Variants in CEP170B observed in about 807,000 individuals in gnomAD.
CEP170B encodes centrosomal protein 170B.
In CEP170B, 55 loss-of-function variants were observed where a neutral mutation model predicts 120.6. The ratio of observed to expected loss-of-function variants is 0.46; its 90% confidence interval spans 0.37 to 0.57. The LOEUF is 0.57. CEP170B is among the 20% of genes least tolerant of loss of function. CEP170B has a pLI of 0.00. For synonymous variants in CEP170B, 1,033 were observed against 954.5 expected (o/e 1.08, Z -1.52); for missense variants, 2,212 against 2,253.3 (o/e 0.98, Z 0.37).
intron 6 of CEP170B, among the ~76,000 whole-genome samples, chr14:104,881,725 G>A (rs1030178414): frequency 3.3e-5 from 5 of 152,164 alleles, no homozygotes; most frequent in Admixed American, 1.3e-4. Flanking sequence ...GTTCAGGGCC[G>A]GCAGCAGATG....
In CEP170B at chr14:104,891,023, GTGGATGGATGGA is replaced by G. The variant is rs796943744; in HGVS notation, c.3878+1280_3878+1291del. ...TGTGGATGGATGGATGAGTGGGTGG[GTGGATGGATGGA>G]TGGATGGATGGATGAGTGGGTGGGT... On this transcript the variant is annotated intron_variant, in intron 13 of 18. Coordinates refer to ENST00000414716, the MANE Select transcript of CEP170B (RefSeq NM_001112726.3). This position sits in a 1 kb window ranked among gnomAD's most constrained non-coding sequence, Gnocchi z 4.3. Among the ~76,000 whole-genome samples, 4 of 118,306 alleles carry G rather than the reference GTGGATGGATGGA, an allele frequency of 3.4e-5. No individual in the cohort carries two copies. The East Asian group carries it at 7.4e-4, about 22-fold the overall frequency. 77.6% of individuals were successfully genotyped at this position (118,306 alleles called of 152,430 possible).
chr14:104,871,253 T>C (rs963759038), intron 2 of CEP170B, among the ~76,000 whole-genome samples: 2 of 152,190 alleles, frequency 1.3e-5, no homozygotes, highest in African/African-American at 4.8e-5. Context: ...AGCCTCCTAC[T>C]GGATATGGCT....
At chr14:104,873,809 C>T (rs866194605) in intron 2 of CEP170B, among the ~76,000 whole-genome samples, 1 of 152,152 alleles carries the variant, frequency 6.6e-6, no homozygotes, top group Non-Finnish European at 1.5e-5. Flanking sequence ...CCTGCTGGAC[C>T]CCATCCCCTG....
intron 2 of CEP170B, among the ~76,000 whole-genome samples, chr14:104,872,474 T>TTGTGC (rs1177545588): frequency 9.6e-6 from 1 of 104,550 alleles, no homozygotes; most frequent in Admixed American, 1.0e-4. Context: ...GTGTGCCGTG[T>TTGTGC]GTGTGCGTGT....
In CEP170B at chr14:104,887,613, G is replaced by A. The variant is rs759020353; in HGVS notation, c.3374G>A (p.Arg1125Gln). The change falls in exon 12 of 19, where the codon CGG (arginine) becomes CAG (glutamine). Residue 1125 changes from arginine to glutamine, a missense_variant. By Grantham distance (43) the Arg-to-Gln change is conservative. Around this residue, in one of 2 missense-constraint regions of CEP170B, gnomAD observed 2,166 missense variants for 2,166.7 expected, o/e 1.00. Coordinates refer to ENST00000414716, the MANE Select transcript of CEP170B (RefSeq NM_001112726.3). ...ACCCCTCGCCCCACACGGGCCTCCCGGCTGAGGCGGGCCCGGCTGGGGGAC... is the reference window on the plus strand; with the variant it reads ...ACCCCTCGCCCCACACGGGCCTCCCAGCTGAGGCGGGCCCGGCTGGGGGAC... ...LSTPRPTRASRLRRARLGDAS... is the reference protein window; with the variant it reads ...LSTPRPTRASQLRRARLGDAS... 25 of 1,573,902 alleles carry A rather than the reference G, an allele frequency of 1.6e-5. No individual in the cohort carries two copies. The highest frequency in any genetic ancestry group is 1.8e-5 in the Non-Finnish European group (21 of 1,161,692).
In CEP170B at chr14:104,881,910, A is replaced by G. The variant is rs147459934; in HGVS notation, c.473-818A>G. 5.1e-4 allele frequency among the ~76,000 whole-genome samples: 78 copies of G among 152,154 alleles called. 1 individual carries two copies. The East Asian group carries it at 7.2e-3, about 14-fold the overall frequency. On this transcript the variant is annotated intron_variant, in intron 6 of 18. Transcript: ENST00000414716. ...TAACTGGCCCCAGCGCAGTGTGCAC[A>G]TGGTTCCTGACGGGTGACTGGCCCC...
rs1896568634 is a variant in CEP170B at position 104,887,169 on chromosome 14, A to G, written c.2930A>G (p.Gln977Arg). The stretch of plus-strand genomic sequence containing the variant: ...AGCGGGCCCAGCCCCACAACCCCCC[A>G]GCCTCTGCGGGCACAGAAGGAGATG... The part of the protein sequence containing the change: ...GKSGPSPTTP[Q>R]PLRAQKEMSP... Residue 977 changes from glutamine (Q) to arginine (R), a missense_variant, in exon 12 of 19, where the codon CAG (glutamine) becomes CGG (arginine). Gln to Arg is a conservative substitution (Grantham distance 43). Around this residue, in one of 2 missense-constraint regions of CEP170B, gnomAD observed 2,166 missense variants for 2,166.7 expected, o/e 1.00. Coordinates refer to ENST00000414716, the MANE Select transcript of CEP170B (RefSeq NM_001112726.3). 6.2e-7 allele frequency: 1 copy of G among 1,608,012 alleles called. No individual in the cohort carries two copies.
At chr14:104,879,678 A>G (rs1275484112) in intron 5 of CEP170B, among the ~76,000 whole-genome samples, 1 of 152,128 alleles carries the variant, frequency 6.6e-6, no homozygotes, top group Non-Finnish European at 1.5e-5. Context: ...AGGGTGCTGG[A>G]GGCCGACGGT....
intron 13 of CEP170B, among the ~76,000 whole-genome samples, chr14:104,890,728 G>A (rs1326843555): frequency 1.9e-4 from 25 of 133,062 alleles, no homozygotes; most frequent in Non-Finnish European, 2.7e-4. Flanking sequence ...GTGGTGGGTG[G>A]ATGGATGGAT....
At chr14:104,869,888 C>T (rs1338636230) in intron 2 of CEP170B, among the ~76,000 whole-genome samples, 1 of 152,204 alleles carries the variant, frequency 6.6e-6, no homozygotes, top group African/African-American at 2.4e-5. Flanking sequence ...AATTTTGTTA[C>T]AGCAGCTGGG....
Position 104,886,708 on chromosome 14 carries a change from G to T in CEP170B, c.2469G>T (p.Gly823=), listed in dbSNP as rs751904524. ...LAAPGDGEGL[G]QTAQPSPPAR... ...CTCCAGGGGATGGGGAGGGCCTAGGGCAGACAGCCCAGCCCAGCCCCCCAG... is the reference window on the plus strand; with the variant it reads ...CTCCAGGGGATGGGGAGGGCCTAGGTCAGACAGCCCAGCCCAGCCCCCCAG... The change falls in exon 12 of 19, where the codon GGG becomes GGT. Residue 823 remains glycine (G), a synonymous_variant. Transcript: ENST00000414716. 3.8e-6 allele frequency: 6 copies of T among 1,592,246 alleles called. No individual in the cohort carries two copies.
At chr14:104,877,182 G>A (rs754510530) in intron 3 of CEP170B, among the ~76,000 whole-genome samples, 11 of 152,298 alleles carry the variant, frequency 7.2e-5, no homozygotes, top group East Asian at 1.9e-4. Context: ...CCCTCCTCCC[G>A]CAGCATGCCT....
chr14:104,895,130 C>A lies in CEP170B; in HGVS notation c.*172C>A. The A allele has an allele frequency of 1.5e-6, 1 of 689,338 alleles. No individual in the cohort carries two copies. Among genetic ancestry groups the A allele is most frequent in the Non-Finnish European group, 2.3e-6 (1 of 428,044 alleles). The allele number at this position is 689,338 out of a possible 1,614,324, so 42.7% of individuals were successfully genotyped here. ...TGCCCCCTCGTCAGCTCCCAGCCAGCACCCTACTCACCCTGTCCAGCCCCA... is the reference window on the plus strand; with the variant it reads ...TGCCCCCTCGTCAGCTCCCAGCCAGAACCCTACTCACCCTGTCCAGCCCCA... On this transcript the variant is annotated 3_prime_UTR_variant, in exon 19 of 19. Transcript: ENST00000414716.
chr14:104,879,213 CTG>C (rs1027368048), intron 5 of CEP170B, among the ~76,000 whole-genome samples: 7 of 152,086 alleles, frequency 4.6e-5, no homozygotes, highest in African/African-American at 1.4e-4. Context: ...TTTGGTCTCT[CTG>C]TGAGTGAGAT....
chr14:104,887,647 C>G lies in CEP170B; in HGVS notation c.3408C>G (p.Asp1136Glu). 1 of 1,562,856 alleles carries G rather than the reference C, an allele frequency of 6.4e-7. No individual in the cohort carries two copies. The highest frequency in any genetic ancestry group is 8.6e-7 in the Non-Finnish European group (1 of 1,156,496). The change falls in exon 12 of 19, where the codon GAC (aspartate) becomes GAG (glutamate). Residue 1136 changes from aspartate (D) to glutamate (E), a missense_variant. Coordinates refer to ENST00000414716, the MANE Select transcript of CEP170B (RefSeq NM_001112726.3). The stretch of plus-strand genomic sequence containing the variant: ...GGGCCCGGCTGGGGGACGCTTCAGA[C>G]ACTGAGGCTGCGGATGGTGAGCGGG... ...LRRARLGDAS[D>E]TEAADGERGS...
rs1300616589 is a variant in CEP170B, at chr14:104,891,302, A to G, written c.3878+1544A>G. On this transcript the variant is annotated intron_variant, in intron 13 of 18. Transcript: ENST00000414716. The surrounding 1 kb of genome is among the most constrained non-coding windows in gnomAD (Gnocchi z 4.3). ...TTTGCCAAGCAGTGGTCAGTACTGC[A>G]AAGGCAGTCCCTGAAAGGCTGTGGG... Among the ~76,000 whole-genome samples, 1 of 152,082 alleles carries G rather than the reference A, an allele frequency of 6.6e-6. No individual in the cohort carries two copies. The highest frequency in any genetic ancestry group is 1.5e-5 in the Non-Finnish European group (1 of 68,002).
chr14:104,873,968 G>T (rs1217222206), intron 2 of CEP170B, among the ~76,000 whole-genome samples: 1 of 152,174 alleles, frequency 6.6e-6, no homozygotes, highest in African/African-American at 2.4e-5. Context: ...CACAGGACAG[G>T]GTGCGGGAGT....
chr14:104,883,822 C>T lies in CEP170B; in HGVS notation c.1052-9C>T. 6.5e-7 allele frequency: 1 copy of T among 1,530,142 alleles called. No individual in the cohort carries two copies. The highest frequency in any genetic ancestry group is 1.2e-5 in the South Asian group (1 of 81,166). 94.8% of individuals were successfully genotyped at this position (1,530,142 alleles called of 1,614,324 possible). On this transcript the variant is annotated splice_polypyrimidine_tract_variant and intron_variant, in intron 8 of 18. Transcript: ENST00000414716. ...GGCCTGACAAGGTGGGGTCCCCTGT[C>T]TCCCCCAGGCCACAAGCACGAGGAC... is the stretch of plus-strand genomic sequence containing the variant.
At chr14:104,890,593 A>G (rs371886401) in intron 13 of CEP170B, among the ~76,000 whole-genome samples, 3,519 of 26,212 alleles carry the variant, frequency 0.13, 98 homozygotes, top group Middle Eastern at 0.19. Flanking sequence ...TGGATGGGTG[A>G]GTGAGTGGGT....
Sources: gnomAD v4.1 joint callset for allele counts (sites outside exome capture counted in the v4.1 genomes callset) on GRCh38, gnomAD v4.1.1 for gene constraint, gnomAD v4.1.1 regional missense constraint, Gnocchi (gnomAD v3.1) non-coding constraint, MANE v1.5 for transcripts, NCBI Gene and HGNC (gene_info 2026-07-23, HGNC 2026-07-21) for gene names.